VPS13B: variants seen among roughly 807,000 people sequenced by gnomAD.
The protein encoded by VPS13B is vacuolar protein sorting 13 homolog B.
Under a neutral mutation model 426.4 loss-of-function variants are expected in VPS13B, and 285 were observed. That is an observed-to-expected ratio of 0.67 (90% CI 0.61 to 0.74). VPS13B has a LOEUF of 0.74. VPS13B is among the 30% of genes least tolerant of loss of function. VPS13B has a pLI of 0.00. For synonymous variants in VPS13B, 1,676 were observed against 1,676.4 expected, an observed-to-expected ratio of 1.00 and a Z score of 0.01; for missense variants, 4,537 against 4,782.6, an observed-to-expected ratio of 0.95 and a Z score of 1.51.
rs1812051245 is a variant in VPS13B at position 99,354,165 on chromosome 8, T to C, written c.2825-30043T>C. ...GACTTGGATAGTATTTGGAAATATT[T>C]GATTCAAGTTGGGAAGTGATTTTTC... On this transcript the variant is annotated intron_variant, in intron 19 of 61. Transcript: ENST00000357162. Among the ~76,000 whole-genome samples the C allele has an allele frequency of 3.3e-5, 5 of 151,876 alleles. No homozygotes were observed. In the South Asian group the frequency reaches 1.0e-3, roughly 31 times the overall value.
chr8:99,346,809 C>T (rs1486100581), intron 19 of VPS13B: 1 of 152,558 alleles, frequency 6.6e-6, no homozygotes, highest in African/African-American at 2.4e-5. Context: ...TCTGGAGCCT[C>T]CAATTTGTAC....
At chr8:99,531,173 CA>C (rs1364708001) in intron 30 of VPS13B, among the ~76,000 whole-genome samples, 1 of 152,054 alleles carries the variant, frequency 6.6e-6, no homozygotes, top group African/African-American at 2.4e-5. Flanking sequence ...TTTATAATCC[CA>C]GTGTTTGAGC....
At chr8:99,778,535 T>C in intron 41 of VPS13B, 147 bp from the exon 42 acceptor site, 1 of 760,326 alleles carries the variant, frequency 1.3e-6, no homozygotes, top group South Asian at 1.6e-5. Flanking sequence ...GATTATAATA[T>C]CTTCAATAAA....
intron 19 of VPS13B, among the ~76,000 whole-genome samples, chr8:99,374,926 A>G (rs555322023): frequency 6.3e-4 from 96 of 152,166 alleles, no homozygotes; most frequent in African/African-American, 2.2e-3. Flanking sequence ...CTTTCTTTCT[A>G]CCAGACACAG....
At chr8:99,839,357 T>C (rs1029130895) in intron 54 of VPS13B, among the ~76,000 whole-genome samples, 4 of 152,194 alleles carry the variant, frequency 2.6e-5, no homozygotes, top group Non-Finnish European at 5.9e-5. Flanking sequence ...CATTCTTTTA[T>C]TCATTTGTTC....
intron 29 of VPS13B, among the ~76,000 whole-genome samples, chr8:99,513,026 A>C (rs1172290551): frequency 2.6e-5 from 4 of 151,920 alleles, no homozygotes; most frequent in Non-Finnish European, 4.4e-5. Context: ...AAAAAAAAAA[A>C]AAAAACCATA....
intron 21 of VPS13B, among the ~76,000 whole-genome samples, chr8:99,428,438 C>G (rs1038883271): frequency 2.0e-5 from 3 of 151,948 alleles, no homozygotes; most frequent in Admixed American, 6.6e-5. Flanking sequence ...AACAAATTTA[C>G]AAGAAAAAAA....
chr8:99,726,190 A>G (rs1467178459), intron 39 of VPS13B, among the ~76,000 whole-genome samples: 1 of 152,258 alleles, frequency 6.6e-6, no homozygotes, highest in Non-Finnish European at 1.5e-5. Flanking sequence ...GTTCTGAATA[A>G]AAACCTCAAA....
At chr8:99,617,237 A>G (rs1276224862) in intron 33 of VPS13B, among the ~76,000 whole-genome samples, 1 of 152,228 alleles carries the variant, frequency 6.6e-6, no homozygotes, top group Non-Finnish European at 1.5e-5. Flanking sequence ...CTAAAAATGA[A>G]GGTTGATTGT....
intron 17 of VPS13B, among the ~76,000 whole-genome samples, chr8:99,212,243 G>GT (rs1815133113): frequency 6.6e-6 from 1 of 152,180 alleles, no homozygotes; most frequent in Non-Finnish European, 1.5e-5. Flanking sequence ...GGCACGGGCT[G>GT]TGACTGGCTT....
At chr8:99,472,011 TACAA>T (rs1350094672) in intron 24 of VPS13B, among the ~76,000 whole-genome samples, 1 of 152,106 alleles carries the variant, frequency 6.6e-6, no homozygotes, top group African/African-American at 2.4e-5. Context: ...AGATACACCA[TACAA>T]ACAGTCAGCA....
chr8:99,711,743 A>T (rs1307382741), intron 36 of VPS13B, among the ~76,000 whole-genome samples: 1 of 152,238 alleles, frequency 6.6e-6, no homozygotes, highest in Non-Finnish European at 1.5e-5. Context: ...ACTTACTGAG[A>T]TTGCAGACCT....
chr8:99,370,120 C>T (rs1177703333), intron 19 of VPS13B, among the ~76,000 whole-genome samples: 4 of 152,278 alleles, frequency 2.6e-5, no homozygotes, highest in Non-Finnish European at 5.9e-5. Context: ...ATTTATTCAA[C>T]AGATTTTGTA....
At chr8:99,532,025 T>C (rs1440158394) in intron 30 of VPS13B, among the ~76,000 whole-genome samples, 2 of 152,142 alleles carry the variant, frequency 1.3e-5, no homozygotes, top group Non-Finnish European at 2.9e-5. Context: ...TTCGGAGGTA[T>C]TTTTAATTAA....
At position 99,776,975 on chromosome 8, in the gene VPS13B, T is replaced by C; in HGVS notation, c.7429+19T>C. On this transcript the variant is annotated intron_variant, in intron 41 of 61. Coordinates refer to ENST00000357162, the MANE Select transcript of VPS13B (RefSeq NM_152564.5). ...GGCACAGGTACTCTTTTTTTTAGCATCAGAATAACATCCATTTAATACTTA... is the reference window on the plus strand; with the variant it reads ...GGCACAGGTACTCTTTTTTTTAGCACCAGAATAACATCCATTTAATACTTA... The C allele has an allele frequency of 6.2e-7, 1 of 1,609,788 alleles. No individual in the cohort carries two copies. The highest frequency in any genetic ancestry group is 8.5e-7 in the Non-Finnish European group (1 of 1,176,156).
chr8:99,094,874 C>T (rs186479309), intron 3 of VPS13B, among the ~76,000 whole-genome samples: 7 of 152,156 alleles, frequency 4.6e-5, no homozygotes, highest in South Asian at 2.1e-4. Context: ...ATTCATGGTG[C>T]GCAATGCACT....
intron 33 of VPS13B, among the ~76,000 whole-genome samples, chr8:99,615,210 AATT>A (rs1828033152): frequency 6.6e-6 from 1 of 152,144 alleles, no homozygotes; most frequent in Non-Finnish European, 1.5e-5. Context: ...TCAATGTAAT[AATT>A]ACTCATGTGT....
Position 99,776,915 on chromosome 8 carries a change from T to G in VPS13B, c.7388T>G (p.Leu2463Arg). 1 of 1,614,074 alleles carries G rather than the reference T, an allele frequency of 6.2e-7. No homozygotes were observed. The highest frequency in any genetic ancestry group is 1.1e-5 in the South Asian group (1 of 91,082). ...TGCGTTTCTTTCCAGTTTGCTCACCTGGAATTCCATCTTTGTCATCACCTT... is the reference window on the plus strand; with the variant it reads ...TGCGTTTCTTTCCAGTTTGCTCACCGGGAATTCCATCTTTGTCATCACCTT... ...SLCVSFQFAHLEFHLCHHLDQ... is the reference protein window; with the variant it reads ...SLCVSFQFAHREFHLCHHLDQ... Residue 2463 changes from leucine to arginine, a missense_variant, in exon 41 of 62, where the codon CTG (leucine) becomes CGG (arginine). By Grantham distance (102) the Leu-to-Arg change is moderately radical. Transcript: ENST00000357162.
At chr8:99,215,330 A>C (rs569297233) in intron 17 of VPS13B, among the ~76,000 whole-genome samples, 1 of 152,330 alleles carries the variant, frequency 6.6e-6, no homozygotes, top group South Asian at 2.1e-4. Context: ...GATTATAGGA[A>C]TTAATTGTTA....
Sources: gnomAD v4.1 joint callset for allele counts (sites outside exome capture counted in the v4.1 genomes callset) on GRCh38, gnomAD v4.1.1 for gene constraint, MANE v1.5 for transcripts, NCBI Gene and HGNC (gene_info 2026-07-23, HGNC 2026-07-21) for gene names.